TULP3: variants seen among roughly 807,000 people sequenced by gnomAD.
TULP3 encodes TUB like protein 3, also known as tubby-related protein 3.
In TULP3, 38 loss-of-function variants were observed where a neutral mutation model predicts 50.7. The ratio of observed to expected loss-of-function variants is 0.75; its 90% CI spans 0.58 to 0.98. TULP3 has a LOEUF of 0.98. TULP3 is among the 50% of genes least tolerant of loss of function. The probability of loss-of-function intolerance (pLI) is 0.00; values close to 1 mark genes in which losing one functional copy is unlikely to be tolerated. For synonymous variants in TULP3, 183 were observed against 196.6 expected, an observed-to-expected ratio of 0.93 and a Z score of 0.58; for missense variants, 550 against 568.0, an observed-to-expected ratio of 0.97 and a Z score of 0.32.
chr12:2,939,826 TCTCA>T lies in TULP3; in HGVS notation c.*386_*389del, dbSNP rs1213183001. The T allele has an allele frequency of 8.4e-7, 1 of 1,193,124 alleles. No individual in the cohort carries two copies. Among genetic ancestry groups the T allele is most frequent in the Non-Finnish European group, 1.1e-6 (1 of 944,032 alleles). 73.9% of individuals were successfully genotyped at this position (1,193,124 alleles called of 1,614,324 possible). On this transcript the variant is annotated 3_prime_UTR_variant, in exon 11 of 11. Coordinates refer to ENST00000448120, the MANE Select transcript of TULP3 (RefSeq NM_003324.5). The surrounding 1 kb of genome is among the most constrained non-coding windows in gnomAD (Gnocchi z 4.0). ...TAAAACACACACACACCCCGCGCAC[TCTCA>T]CTCCTTTTCCAGGTTTCATAGACTT...
chr12:2,918,145 G>A (rs111366577), intron 2 of TULP3, among the ~76,000 whole-genome samples: 237 of 152,150 alleles, frequency 1.6e-3, no homozygotes, highest in African/African-American at 5.1e-3. Flanking sequence ...AGACAGTCTC[G>A]CTCTGTCGCC....
intron 4 of TULP3, among the ~76,000 whole-genome samples, chr12:2,926,698 C>T (rs562195596): frequency 2.0e-5 from 3 of 152,112 alleles, no homozygotes; most frequent in East Asian, 1.9e-4. Context: ...ATCAGGAGTT[C>T]GAGACCAGCC....
intron 8 of TULP3, among the ~76,000 whole-genome samples, chr12:2,935,903 G>A (rs868845515): frequency 6.6e-5 from 10 of 152,050 alleles, no homozygotes; most frequent in Non-Finnish European, 8.8e-5. Flanking sequence ...TAGGAGGGTC[G>A]AGGCTGCAGT....
At chr12:2,918,926 T>C (rs571176326) in intron 2 of TULP3, among the ~76,000 whole-genome samples, 23 of 150,674 alleles carry the variant, frequency 1.5e-4, no homozygotes, top group Non-Finnish European at 2.7e-4. Flanking sequence ...CGAGTCTTGC[T>C]CTGTCACCCA....
intron 1 of TULP3, among the ~76,000 whole-genome samples, chr12:2,895,092 C>T (rs2098174698): frequency 6.6e-6 from 1 of 152,112 alleles, no homozygotes. Flanking sequence ...TCTTAAATAG[C>T]CTTTTTGTTT....
chr12:2,918,485 T>C (rs1428511115), intron 2 of TULP3, among the ~76,000 whole-genome samples: 1 of 152,180 alleles, frequency 6.6e-6, no homozygotes, highest in Non-Finnish European at 1.5e-5. Flanking sequence ...GCCACATAGA[T>C]AAGATATGGC....
intron 2 of TULP3, among the ~76,000 whole-genome samples, chr12:2,917,311 A>C (rs954314306): frequency 6.6e-6 from 1 of 151,994 alleles, no homozygotes; most frequent in African/African-American, 2.4e-5. Context: ...ATCTCTACTA[A>C]AAGTTTAAAA....
chr12:2,930,921 C>A, intron 5 of TULP3, 116 bp from the exon 6 acceptor site: 1 of 1,117,804 alleles, frequency 8.9e-7, no homozygotes, highest in Non-Finnish European at 1.4e-6. Flanking sequence ...CTCATTCTGT[C>A]AGAAGACTGA....
At chr12:2,922,198 A>G (rs754748962) in intron 3 of TULP3, 64 bp from the exon 4 acceptor site, 344 of 1,564,306 alleles carry the variant, frequency 2.2e-4, no homozygotes, top group Non-Finnish European at 2.8e-4. Context: ...CATATGCCAA[A>G]TCTACCCAAC....
intron 1 of TULP3, among the ~76,000 whole-genome samples, chr12:2,892,327 A>G (rs2968910): frequency 0.49 from 74,446 of 151,728 alleles, 18,994 homozygotes; most frequent in African/African-American, 0.64. Context: ...GAGGAGATAA[A>G]GTTAGTATTC....
intron 2 of TULP3, among the ~76,000 whole-genome samples, chr12:2,917,819 G>C (rs976576584): frequency 4.0e-5 from 6 of 151,708 alleles, no homozygotes; most frequent in Non-Finnish European, 8.8e-5. Flanking sequence ...GGAGCTTGCA[G>C]TGAGCCGAGA....
intron 1 of TULP3, among the ~76,000 whole-genome samples, chr12:2,902,176 C>T (rs1228931996): frequency 6.6e-6 from 1 of 152,152 alleles, no homozygotes; most frequent in African/African-American, 2.4e-5. Flanking sequence ...ATGAATTTCT[C>T]TAAATTGCCA....
At chr12:2,937,014 G>A (rs376359342) in intron 8 of TULP3, among the ~76,000 whole-genome samples, 218 of 151,114 alleles carry the variant, frequency 1.4e-3, no homozygotes, top group Middle Eastern at 6.8e-3. Flanking sequence ...CACAGGAATC[G>A]CTTGAACCCA....
chr12:2,909,797 A>G (rs2098184410), intron 2 of TULP3, among the ~76,000 whole-genome samples: 2 of 152,204 alleles, frequency 1.3e-5, no homozygotes, highest in Non-Finnish European at 2.9e-5. Context: ...CAGCAACAAG[A>G]CTGGCCTTGG....
intron 3 of TULP3, among the ~76,000 whole-genome samples, chr12:2,921,195 A>G (rs954128686): frequency 3.3e-5 from 5 of 152,008 alleles, no homozygotes; most frequent in African/African-American, 4.8e-5. Flanking sequence ...CTGGAGTGCA[A>G]TGGCGCGATC....
intron 1 of TULP3, among the ~76,000 whole-genome samples, chr12:2,905,763 A>T (rs371008739): frequency 1.3e-5 from 2 of 151,742 alleles, no homozygotes; most frequent in Admixed American, 1.3e-4. Flanking sequence ...TTTTTTCACT[A>T]TTTGAGGCCT....
rs376174177 is a variant in TULP3, at chr12:2,938,251, T to C, written c.1161T>C (p.Ser387=). 6.2e-7 allele frequency: 1 copy of C among 1,614,146 alleles called. No homozygotes were observed. The highest frequency in any genetic ancestry group is 1.3e-5 in the African/African-American group (1 of 75,042). Residue 387 remains serine, a synonymous_variant, in exon 10 of 11, where the codon TCT becomes TCC. Transcript: ENST00000448120. ...LNFRGRVTQA[S]VKNFQIVHKN... ...TCCGTGGCCGGGTCACTCAGGCGTC[T>C]GTGAAGAACTTCCAGATAGTCCACA...
intron 1 of TULP3, among the ~76,000 whole-genome samples, chr12:2,904,072 G>A (rs974523767): frequency 1.1e-4 from 16 of 152,238 alleles, no homozygotes; most frequent in South Asian, 1.0e-3. Context: ...GTGAGCCACC[G>A]TGCCTGGCCT....
At position 2,939,218 on chromosome 12, in the gene TULP3, A is replaced by C; in HGVS notation, c.1196-93A>C. The C allele has an allele frequency of 1.2e-4, 177 of 1,434,536 alleles. No homozygotes were observed. The highest frequency in any genetic ancestry group is 1.5e-4 in the Non-Finnish European group (160 of 1,045,260). The allele number at this position is 1,434,536 out of a possible 1,614,324, so 88.9% of individuals were successfully genotyped here. ...TAGGCTCCAGCCAGGGCGACAGAGC[A>C]AAACCCCATCTAAGAAAAGGAAGAA... On this transcript the variant is annotated intron_variant, in intron 10 of 10. Transcript: ENST00000448120. This position sits in a 1 kb window ranked among gnomAD's most constrained non-coding sequence, Gnocchi z 4.0.
Sources: allele counts gnomAD v4.1 joint callset (sites outside exome capture counted in the v4.1 genomes callset), GRCh38; gene constraint gnomAD v4.1.1; non-coding constraint Gnocchi (gnomAD v3.1); transcripts MANE v1.5; gene names NCBI Gene and HGNC (gene_info 2026-07-23, HGNC 2026-07-21).